TOX: variants seen among roughly 807,000 people sequenced by gnomAD.
TOX encodes the protein thymocyte selection associated high mobility group box, also known as thymocyte selection-associated high mobility group box protein TOX.
A neutral mutation model predicts 53.7 loss-of-function variants in TOX; 11 were observed. That is an observed-to-expected ratio of 0.20 (90% CI 0.13 to 0.34). The LOEUF (loss-of-function observed/expected upper bound fraction) is 0.34, where lower values mean the gene tolerates loss of function less well. TOX is among the 10% of genes least tolerant of loss of function. The probability of loss-of-function intolerance (pLI) is 1.00; values close to 1 mark genes in which losing one functional copy is unlikely to be tolerated. For missense variants in TOX, 570 were observed against 664.6 expected, an observed-to-expected ratio of 0.86 and a Z score of 1.56; for synonymous variants, 225 against 245.3, an observed-to-expected ratio of 0.92 and a Z score of 0.77.
chr8:58,879,932 CT>C (rs1410612068), intron 3 of TOX, among the ~76,000 whole-genome samples: 2 of 152,270 alleles, frequency 1.3e-5, no homozygotes, highest in African/African-American at 4.8e-5. Flanking sequence ...GCTTTTTCCT[CT>C]CTTCCTTGTA....
chr8:58,929,703 A>T (rs10107892), intron 3 of TOX, among the ~76,000 whole-genome samples: 1,982 of 152,282 alleles, frequency 0.013, 56 homozygotes, highest in African/African-American at 0.046. Flanking sequence ...ATCTACTTGC[A>T]TAAATCAAGC....
chr8:58,807,573 T>G lies in TOX; in HGVS notation c.*174A>C. 1.6e-6 allele frequency: 1 copy of G among 621,422 alleles called. No individual in the cohort carries two copies. Among genetic ancestry groups the G allele is most frequent in the South Asian group, 2.5e-5 (1 of 40,450 alleles). 38.5% of individuals were successfully genotyped at this position (621,422 alleles called of 1,614,324 possible). A position where few individuals can be genotyped will look rare whatever the true frequency, so the allele number is the denominator to read the frequency against. The stretch of plus-strand genomic sequence containing the variant: ...TGTCCATAAAGGATTAAAAAAATAA[T>G]AAAGAAGCATGACTATTTCTTCCAG... On this transcript the variant is annotated 3_prime_UTR_variant, in exon 9 of 9. Coordinates refer to ENST00000361421, the MANE Select transcript of TOX (RefSeq NM_014729.3).
intron 1 of TOX, among the ~76,000 whole-genome samples, chr8:59,099,261 A>C (rs1804764763): frequency 6.6e-6 from 1 of 152,224 alleles, no homozygotes; most frequent in South Asian, 2.1e-4. Context: ...AAAGATGAGA[A>C]TTAAGTAACT....
chr8:58,862,001 G>T (rs1811019392), intron 3 of TOX, among the ~76,000 whole-genome samples: 1 of 152,068 alleles, frequency 6.6e-6, no homozygotes, highest in African/African-American at 2.4e-5. Context: ...GCTTCCCTGT[G>T]CAGAATACTT....
At chr8:59,046,006 C>T (rs1803675168) in intron 1 of TOX, among the ~76,000 whole-genome samples, 1 of 152,188 alleles carries the variant, frequency 6.6e-6, no homozygotes. Flanking sequence ...CCTGCAATCA[C>T]AAATAGTGCC....
chr8:58,837,923 C>G (rs765299631), intron 5 of TOX, among the ~76,000 whole-genome samples, 158 bp downstream of exon 5: 1 of 152,160 alleles, frequency 6.6e-6, no homozygotes, highest in Non-Finnish European at 1.5e-5. Flanking sequence ...AGGAGCATAA[C>G]ATTATGTGAA....
intron 3 of TOX, among the ~76,000 whole-genome samples, chr8:58,939,010 G>A (rs1025848117): frequency 2.0e-5 from 3 of 152,242 alleles, no homozygotes; most frequent in Non-Finnish European, 2.9e-5. Context: ...CTTTTTCTCT[G>A]AAAGCTGGTA....
chr8:59,025,239 T>C (rs1222464393), intron 1 of TOX, among the ~76,000 whole-genome samples: 1 of 152,156 alleles, frequency 6.6e-6, no homozygotes, highest in Non-Finnish European at 1.5e-5. Flanking sequence ...CCTGATTCTA[T>C]GCTATTTCTC....
At chr8:58,884,861 T>A (rs1184476729) in intron 3 of TOX, among the ~76,000 whole-genome samples, 1 of 152,148 alleles carries the variant, frequency 6.6e-6, no homozygotes, top group East Asian at 1.9e-4. Context: ...TTTGCATGCA[T>A]AATAATATGC....
intron 1 of TOX, among the ~76,000 whole-genome samples, chr8:59,107,313 C>A (rs930190835): frequency 1.3e-5 from 2 of 152,094 alleles, no homozygotes. Context: ...GTACTCTGCT[C>A]ATAACTTAGT....
intron 1 of TOX, among the ~76,000 whole-genome samples, chr8:59,071,507 C>A: frequency 6.6e-6 from 1 of 152,138 alleles, no homozygotes; most frequent in Non-Finnish European, 1.5e-5. Context: ...TGGAGTTGCA[C>A]ATTTAGAAGC....
At chr8:58,979,505 C>T (rs1277143705) in intron 1 of TOX, among the ~76,000 whole-genome samples, 2 of 152,176 alleles carry the variant, frequency 1.3e-5, no homozygotes, top group Non-Finnish European at 2.9e-5. Context: ...ACTGCCAAGA[C>T]TGCAACTTCA....
At chr8:58,838,001 C>G in intron 5 of TOX, 80 bp downstream of exon 5, 1 of 1,359,952 alleles carries the variant, frequency 7.4e-7, no homozygotes, top group South Asian at 1.3e-5. Context: ...AAAGAATTTA[C>G]CCCAAGCCCT....
rs143992520 is a variant in TOX, at chr8:58,999,650, T to C, written c.103-39642A>G. 4.1e-3 allele frequency among the ~76,000 whole-genome samples: 617 copies of C among 152,196 alleles called. 3 individuals carry two copies. The highest frequency in any genetic ancestry group is 0.014 in the African/African-American group (581 of 41,528). On this transcript the variant is annotated intron_variant, in intron 1 of 8. Coordinates refer to ENST00000361421, the MANE Select transcript of TOX (RefSeq NM_014729.3). ...TACAGAAGACAGATCCTTTCATGAG[T>C]TGCTATAGCAGAACTCTATGTGTGA... is the stretch of plus-strand genomic sequence containing the variant.
rs1554537362 is a variant in TOX, at chr8:58,998,536, T to TTATATATAATAAATTTATGTA, written c.103-38529_103-38528insTACATAAATTTATTATATATA. 3.7e-4 allele frequency among the ~76,000 whole-genome samples: 14 copies of TTATATATAATAAATTTATGTA among 37,744 alleles called. No individual in the cohort carries two copies. The South Asian group carries it at 6.3e-3, about 17-fold the overall frequency. The allele number at this position is 37,744 out of a possible 152,430, so 24.8% of individuals were successfully genotyped here. On this transcript the variant is annotated intron_variant, in intron 1 of 8. Coordinates refer to ENST00000361421, the MANE Select transcript of TOX (RefSeq NM_014729.3). ...ATATATATATATATATATATATATA[T>TTATATATAATAAATTTATGTA]ATAAATTTATATATAATAAATTTAT...
chr8:58,812,879 G>A (rs1277936706), intron 7 of TOX, among the ~76,000 whole-genome samples: 2 of 152,198 alleles, frequency 1.3e-5, no homozygotes, highest in African/African-American at 4.8e-5. Context: ...CCTTCTAACA[G>A]TGAAACACTT....
chr8:59,008,657 G>A (rs1037092545), intron 1 of TOX, among the ~76,000 whole-genome samples: 2 of 152,178 alleles, frequency 1.3e-5, no homozygotes, highest in African/African-American at 4.8e-5. Flanking sequence ...CATACGTCCT[G>A]CAGGGTTCAA....
At chr8:58,838,697 G>GTTTTTTTTTTTTTTTT (rs1810590539) in intron 4 of TOX, among the ~76,000 whole-genome samples, 2 of 76,682 alleles carry the variant, frequency 2.6e-5, no homozygotes, top group African/African-American at 1.6e-4. Context: ...AGTTATCCTT[G>GTTTTTTTTTTTTTTTT]TCTTTTTTTT....
intron 3 of TOX, among the ~76,000 whole-genome samples, chr8:58,861,982 A>C (rs1198355609): frequency 6.6e-6 from 1 of 152,160 alleles, no homozygotes; most frequent in Non-Finnish European, 1.5e-5. Context: ...ATTCTGCTTG[A>C]GCCAGACAGC....
Sources: gnomAD v4.1 joint callset for allele counts (sites outside exome capture counted in the v4.1 genomes callset) on GRCh38, gnomAD v4.1.1 for gene constraint, MANE v1.5 for transcripts, NCBI Gene and HGNC (gene_info 2026-07-23, HGNC 2026-07-21) for gene names.